LIFR: variants seen among roughly 807,000 people sequenced by gnomAD.
LIFR encodes LIF receptor subunit alpha, also known as leukemia inhibitory factor receptor.
Under a neutral mutation model 122.2 loss-of-function variants are expected in LIFR, and 84 were observed. The ratio of observed to expected loss-of-function variants is 0.69; its 90% CI spans 0.58 to 0.82. LIFR has a LOEUF of 0.82. Ranked by LOEUF, LIFR falls within the 40% of genes least tolerant of loss-of-function variation. The pLI is 0.00. For missense variants in LIFR, 1,294 were observed against 1,311.6 expected (o/e 0.99, Z 0.21); for synonymous variants, 422 against 434.7 (o/e 0.97, Z 0.36).
chr5:38,490,411 T>C, intron 14 of LIFR, 120 bp from the exon 15 acceptor site: 1 of 489,936 alleles, frequency 2.0e-6, no homozygotes. Flanking sequence ...GATGTTTTCT[T>C]ATTAAAAAAT....
chr5:38,494,846 G>A lies in LIFR; in HGVS notation c.1886-1061C>T, dbSNP rs16903987. Reference sequence around the variant, plus strand: ...TAATCACCCACAGGCTACAGAGAGCGTTCAGTAAAACCAACACAGACATTA... The same window carrying A: ...TAATCACCCACAGGCTACAGAGAGCATTCAGTAAAACCAACACAGACATTA... On this transcript the variant is annotated intron_variant, in intron 13 of 19. Transcript: ENST00000453190. Among the ~76,000 whole-genome samples the A allele has an allele frequency of 2.9e-3, 437 of 152,212 alleles. 2 individuals are homozygous for A. Among genetic ancestry groups the A allele is most frequent in the African/African-American group, 9.9e-3 (411 of 41,536 alleles).
chr5:38,490,177 C>G lies in LIFR; in HGVS notation c.2167+13G>C. ...GCCTTGAGCTCTTATAAATAAGTACCCATTTAACTTACCCAATTCTTCTAT... is the reference window on the plus strand; with the variant it reads ...GCCTTGAGCTCTTATAAATAAGTACGCATTTAACTTACCCAATTCTTCTAT... On this transcript the variant is annotated intron_variant, in intron 15 of 19. Coordinates refer to ENST00000453190, the MANE Select transcript of LIFR (RefSeq NM_001127671.2). 8.7e-7 allele frequency: 1 copy of G among 1,148,898 alleles called. No individual in the cohort carries two copies. The allele number at this position is 1,148,898 out of a possible 1,614,324, so 71.2% of individuals were successfully genotyped here. A position where few individuals can be genotyped will look rare whatever the true frequency, so the allele number is the denominator to read the frequency against.
At chr5:38,528,701 G>T in intron 3 of LIFR, 25 bp downstream of exon 3, 1 of 1,349,226 alleles carries the variant, frequency 7.4e-7, no homozygotes, top group African/African-American at 1.4e-5. Context: ...CTAGCTCATT[G>T]TGAATTAAAG....
At chr5:38,506,354 T>C (rs978026153) in intron 8 of LIFR, 149 bp downstream of exon 8, 1 of 876,166 alleles carries the variant, frequency 1.1e-6, no homozygotes, top group Non-Finnish European at 1.8e-6. Context: ...GTGGCTGAAC[T>C]GCAGTGCTTA....
chr5:38,608,241 A>C (rs1174325311), exon 1 of LIFR: 2 of 152,160 alleles, frequency 1.3e-5, no homozygotes, highest in Non-Finnish European at 2.9e-5. Flanking sequence ...TCTTATACTT[A>C]AGAACATGTT....
intron 1 of LIFR, among the ~76,000 whole-genome samples, chr5:38,566,080 A>T (rs1749015264): frequency 6.6e-6 from 1 of 152,204 alleles, no homozygotes; most frequent in African/African-American, 2.4e-5. Flanking sequence ...AGAAAAGAAA[A>T]AAAGAAACTA....
chr5:38,588,015 A>G (rs920431469), intron 1 of LIFR, among the ~76,000 whole-genome samples: 1 of 152,224 alleles, frequency 6.6e-6, no homozygotes, highest in African/African-American at 2.4e-5. Flanking sequence ...CTATCCATTA[A>G]TACATATCAC....
At chr5:38,535,112 T>C (rs1482650706) in intron 1 of LIFR, among the ~76,000 whole-genome samples, 3 of 152,106 alleles carry the variant, frequency 2.0e-5, no homozygotes, top group Non-Finnish European at 2.9e-5. Context: ...AGAGAAAATA[T>C]ACAATCCATA....
chr5:38,484,880 G>A lies in LIFR; in HGVS notation c.2498-12C>T. The A allele has an allele frequency of 1.3e-6, 2 of 1,581,274 alleles. No individual in the cohort carries two copies. Among genetic ancestry groups the A allele is most frequent in the Non-Finnish European group, 1.7e-6 (2 of 1,150,746 alleles). ...AATTAATCCCACAGCTGAAACGAGA[G>A]TATTGCAAATATTAAAATCGCCATT... On this transcript the variant is annotated splice_polypyrimidine_tract_variant and intron_variant, in intron 17 of 19. Transcript: ENST00000453190.
intron 1 of LIFR, among the ~76,000 whole-genome samples, chr5:38,565,598 T>C (rs975864095): frequency 6.6e-6 from 1 of 151,914 alleles, no homozygotes; most frequent in Non-Finnish European, 1.5e-5. Context: ...TTTTTTTTTT[T>C]TTTTTTTAGA....
rs1409443820 is a variant in LIFR, at chr5:38,475,344, A to G, written c.*6251T>C. 1 of 196,644 alleles carries G rather than the reference A, an allele frequency of 5.1e-6. No individual in the cohort carries two copies. The highest frequency in any genetic ancestry group is 2.3e-5 in the African/African-American group (1 of 43,358). The allele number at this position is 196,644 out of a possible 1,614,324, so 12.2% of individuals were successfully genotyped here. ...TGAATCACACACATGTACTTCATCT[A>G]TAGTTTTCTTCCTGTATAAGTGTAT... is the stretch of plus-strand genomic sequence containing the variant. On this transcript the variant is annotated 3_prime_UTR_variant, in exon 20 of 20. Transcript: ENST00000453190.
In LIFR at chr5:38,592,177, A is replaced by G. The variant is rs115052665; in HGVS notation, c.-20+3084T>C. Among the ~76,000 whole-genome samples, 1,039 of 152,290 alleles carry G rather than the reference A, an allele frequency of 6.8e-3. 13 individuals are homozygous for G. The highest frequency in any genetic ancestry group is 0.024 in the African/African-American group (989 of 41,544). The stretch of plus-strand genomic sequence containing the variant: ...ACTGACATATATTAGCCCACTAACT[A>G]TGGCCTTGTAGTTTTTGCCAAATAA... On this transcript the variant is annotated intron_variant, in intron 1 of 19. Transcript: ENST00000263409.
Position 38,478,292 on chromosome 5 carries a change from T to A in LIFR, c.*3303A>T. ...GTAATAGTACTAAATGTTCTAAATG[T>A]AATCTTTCAGATCCACGAGCGGTGA... On this transcript the variant is annotated 3_prime_UTR_variant, in exon 20 of 20. Coordinates refer to ENST00000453190, the MANE Select transcript of LIFR (RefSeq NM_001127671.2). 1 of 206,158 alleles carries A rather than the reference T, an allele frequency of 4.9e-6. No homozygotes were observed. Among genetic ancestry groups the A allele is most frequent in the Non-Finnish European group, 9.9e-6 (1 of 100,818 alleles). The allele number at this position is 206,158 out of a possible 1,614,324, so 12.8% of individuals were successfully genotyped here. A position where few individuals can be genotyped will look rare whatever the true frequency, so the allele number is the denominator to read the frequency against.
At chr5:38,556,796 G>A (rs1234503126), upstream of LIFR, 1 of 148,900 alleles carries the variant, frequency 6.7e-6, no homozygotes, top group Non-Finnish European at 1.5e-5. Context: ...GCGCGCGGGT[G>A]CTCCAAGGAG....
At chr5:38,551,276 T>C (rs968622395) in intron 1 of LIFR, among the ~76,000 whole-genome samples, 9 of 152,188 alleles carry the variant, frequency 5.9e-5, no homozygotes, top group Non-Finnish European at 1.3e-4. Context: ...CCTGTCCCCA[T>C]GCAGCAGGCG....
chr5:38,561,535 G>GTA (rs1454853912), upstream of LIFR, among the ~76,000 whole-genome samples: 2 of 152,104 alleles, frequency 1.3e-5, no homozygotes, highest in Admixed American at 1.3e-4. Context: ...CTCAGCCAAG[G>GTA]TATATATATC....
chr5:38,514,134 T>C (rs142151932), intron 5 of LIFR, among the ~76,000 whole-genome samples: 325 of 151,228 alleles, frequency 2.1e-3, no homozygotes, highest in African/African-American at 7.6e-3. Context: ...TCTGAGAAAA[T>C]AGAAAATACA....
At chr5:38,558,364 C>CT (rs1286198984), upstream of LIFR, 1 of 152,064 alleles carries the variant, frequency 6.6e-6, no homozygotes, top group Non-Finnish European at 1.5e-5. Flanking sequence ...TTTCTGTGGC[C>CT]TTGCTATAAT....
At chr5:38,547,705 G>A (rs1747972996) in intron 1 of LIFR, among the ~76,000 whole-genome samples, 1 of 152,142 alleles carries the variant, frequency 6.6e-6, no homozygotes, top group Non-Finnish European at 1.5e-5. Flanking sequence ...ATAGTCACGT[G>A]TGCTTAATGA....
Sources: gnomAD v4.1 joint callset for allele counts (sites outside exome capture counted in the v4.1 genomes callset) on GRCh38, gnomAD v4.1.1 for gene constraint, MANE v1.5 for transcripts, NCBI Gene and HGNC (gene_info 2026-07-23, HGNC 2026-07-21) for gene names.